Variants in MRPL48 observed in about 807,000 individuals in gnomAD.
MRPL48 encodes large ribosomal subunit protein mL48.
MRPL48 carries 16 observed loss-of-function variants against 32.9 expected under a neutral mutation model. That is an observed-to-expected ratio of 0.49 (90% CI 0.33 to 0.74). The LOEUF (loss-of-function observed/expected upper bound fraction) is 0.74, where lower values mean the gene tolerates loss of function less well. MRPL48 is among the 30% of genes least tolerant of loss of function. The probability of loss-of-function intolerance (pLI) is 0.02; values close to 1 mark genes in which losing one functional copy is unlikely to be tolerated. For synonymous variants in MRPL48, 94 were observed against 89.2 expected (o/e 1.05, Z -0.31); for missense variants, 206 against 245.3 (o/e 0.84, Z 1.07).
rs1056556242 is a variant in MRPL48 at position 73,797,842 on chromosome 11, C to T, written c.22-7185C>T. ...AGATGCCACCAGCCACAGACTTTTC[C>T]GGCCAGAAAAATGACACTCCAAAAA... On this transcript the variant is annotated intron_variant, in intron 1 of 7. Coordinates refer to ENST00000310614, the MANE Select transcript of MRPL48 (RefSeq NM_016055.6). Among the ~76,000 whole-genome samples, 8 of 152,250 alleles carry T rather than the reference C, an allele frequency of 5.3e-5. No homozygotes were observed. The South Asian group carries it at 6.2e-4, about 12-fold the overall frequency.
At chr11:73,811,466 C>T (rs1033695101) in intron 3 of MRPL48, among the ~76,000 whole-genome samples, 2 of 151,976 alleles carry the variant, frequency 1.3e-5, no homozygotes, top group Admixed American at 1.3e-4. Context: ...AATTGTTTAT[C>T]TCTTAATTAT....
rs904495593 is a variant in MRPL48 at position 73,829,499 on chromosome 11, G to A, written c.201+3703G>A. Among the ~76,000 whole-genome samples the A allele has an allele frequency of 3.3e-5, 5 of 151,604 alleles. 1 individual carries two copies. Among genetic ancestry groups the A allele is most frequent in the Admixed American group, 2.0e-4 (3 of 15,218 alleles). ...TTCTGCCTCAGCTTCTCAGTAGCTG[G>A]GACTACTTGGTGGCACATGCCACCA... On this transcript the variant is annotated intron_variant, in intron 4 of 7. Transcript: ENST00000310614.
At chr11:73,796,953 G>A (rs189215456) in intron 1 of MRPL48, among the ~76,000 whole-genome samples, 2 of 152,116 alleles carry the variant, frequency 1.3e-5, no homozygotes, top group Admixed American at 6.5e-5. Flanking sequence ...TGTAATCCCA[G>A]CTACTTAGGA....
chr11:73,793,858 GTT>G lies in MRPL48; in HGVS notation c.21+5884_21+5885del, dbSNP rs1293232778. 4.3e-4 allele frequency among the ~76,000 whole-genome samples: 49 copies of G among 113,860 alleles called. 1 individual carries two copies. The highest frequency in any genetic ancestry group is 4.4e-3 in the Middle Eastern group (1 of 228). 74.7% of individuals were successfully genotyped at this position (113,860 alleles called of 152,430 possible). On this transcript the variant is annotated intron_variant, in intron 1 of 7. Transcript: ENST00000310614. ...GCAACATGGCGAAACCTTGTTTCGT[GTT>G]TTTTTTTTTTTTTTTTTCCCTTTTT...
intron 1 of MRPL48, among the ~76,000 whole-genome samples, chr11:73,791,790 C>A (rs374365384): frequency 1.3e-5 from 2 of 152,052 alleles, no homozygotes; most frequent in African/African-American, 2.4e-5. Flanking sequence ...TGGTAAATGT[C>A]GAATGAATAA....
rs1440447939 is a variant in MRPL48, at chr11:73,788,115, G to A, written c.21+123G>A. Reference sequence around the variant, plus strand: ...GGACATCCGGGGATGAGACACTGGGGCGCCCAAGGTCCTTCCCAGCAGCAC... The same window carrying A: ...GGACATCCGGGGATGAGACACTGGGACGCCCAAGGTCCTTCCCAGCAGCAC... On this transcript the variant is annotated intron_variant, in intron 1 of 7. Transcript: ENST00000310614. 5.5e-5 allele frequency: 78 copies of A among 1,430,712 alleles called. No individual in the cohort carries two copies. In the South Asian group the frequency reaches 9.4e-4, roughly 17 times the overall value. The allele number at this position is 1,430,712 out of a possible 1,614,324, so 88.6% of individuals were successfully genotyped here.
Position 73,864,661 on chromosome 11 carries a change from A to G in MRPL48, c.*291A>G, listed in dbSNP as rs1478310980. 1 of 398,424 alleles carries G rather than the reference A, an allele frequency of 2.5e-6. No individual in the cohort carries two copies. Among genetic ancestry groups the G allele is most frequent in the Non-Finnish European group, 4.6e-6 (1 of 216,534 alleles). The allele number at this position is 398,424 out of a possible 1,614,324, so 24.7% of individuals were successfully genotyped here. ...GCCCATCCTGTGGAGTATCTTTAAG[A>G]GATTCTATATTCTGGCCAGGCACCG... On this transcript the variant is annotated 3_prime_UTR_variant, in exon 8 of 8. Transcript: ENST00000310614.
intron 3 of MRPL48, among the ~76,000 whole-genome samples, chr11:73,819,837 T>G (rs145604680): frequency 1.3e-5 from 2 of 152,042 alleles, no homozygotes; most frequent in East Asian, 1.9e-4. Context: ...ACATCAAGGT[T>G]GCAGTGACCA....
intron 3 of MRPL48, among the ~76,000 whole-genome samples, chr11:73,822,011 T>G (rs1249578607): frequency 6.6e-6 from 1 of 152,154 alleles, no homozygotes; most frequent in Non-Finnish European, 1.5e-5. Context: ...GGTCCTGGCC[T>G]GAGGATCACT....
chr11:73,807,631 C>CTTTTTT (rs777408873), intron 2 of MRPL48, among the ~76,000 whole-genome samples: 59 of 106,778 alleles, frequency 5.5e-4, no homozygotes, highest in Non-Finnish European at 6.3e-4. Flanking sequence ...GTATTATTAT[C>CTTTTTT]TTTTTTTTTT....
intron 3 of MRPL48, among the ~76,000 whole-genome samples, chr11:73,814,221 T>A (rs563529843): frequency 6.6e-6 from 1 of 150,486 alleles, no homozygotes; most frequent in African/African-American, 2.4e-5. Context: ...GGAGACTCCA[T>A]CTCTACAAAA....
intron 1 of MRPL48, among the ~76,000 whole-genome samples, chr11:73,788,220 GC>G (rs1415640007): frequency 6.6e-6 from 1 of 152,072 alleles, no homozygotes; most frequent in Non-Finnish European, 1.5e-5. Context: ...CCCGTGCCAC[GC>G]CCACACCACA....
intron 4 of MRPL48, among the ~76,000 whole-genome samples, chr11:73,836,490 T>C (rs35314844): frequency 0.055 from 8,383 of 152,282 alleles, 258 homozygotes; most frequent in Middle Eastern, 0.11. Flanking sequence ...TGAGCCACCG[T>C]GCCCTTCCAA....
At position 73,829,907 on chromosome 11, in the gene MRPL48, G is replaced by GCCTCCT. The variant is rs775737095; in HGVS notation, c.201+4111_201+4112insCCTCCT. 1.8e-3 allele frequency among the ~76,000 whole-genome samples: 281 copies of GCCTCCT among 152,184 alleles called. 1 individual carries two copies. The highest frequency in any genetic ancestry group is 3.4e-3 in the Non-Finnish European group (228 of 68,020). Reference sequence around the variant, plus strand: ...AGCCTCCTGAGTAGCTAGGATTACAGGAGTATACCACTACACCCGGCTCAT... The same window carrying GCCTCCT: ...AGCCTCCTGAGTAGCTAGGATTACAGCCTCCTGAGTATACCACTACACCCGGCTCAT... On this transcript the variant is annotated intron_variant, in intron 4 of 7. Coordinates refer to ENST00000310614, the MANE Select transcript of MRPL48 (RefSeq NM_016055.6).
chr11:73,842,855 AAGCTAGAGTGCAGTTGC>A (rs1282867457), intron 4 of MRPL48: 2 of 152,608 alleles, frequency 1.3e-5, no homozygotes, highest in African/African-American at 4.8e-5. Context: ...TCTGTTGCCC[AAGCTAGAGTGCAGTTGC>A]GTGACCACGG....
chr11:73,845,158 G>C (rs1948266578), intron 5 of MRPL48, 182 bp downstream of exon 5: 1 of 529,686 alleles, frequency 1.9e-6, no homozygotes, highest in Non-Finnish European at 3.0e-6. Context: ...TGGTGCCCTG[G>C]TGTAGTCAGT....
rs1364096781 is a variant in MRPL48, at chr11:73,802,017, T to C, written c.22-3010T>C. On this transcript the variant is annotated intron_variant, in intron 1 of 7. Transcript: ENST00000310614. ...GGTTCTTGGGTGATGATAAGAGTTT[T>C]GGTGAATCTCCTGAAGTAGTAGGCA... The C allele has an allele frequency of 2.6e-5, 4 of 152,338 alleles. No homozygotes were observed. The East Asian group carries it at 5.8e-4, about 22-fold the overall frequency. 9.4% of individuals were successfully genotyped at this position (152,338 alleles called of 1,614,324 possible).
At chr11:73,841,691 A>G (rs777270655) in intron 4 of MRPL48, among the ~76,000 whole-genome samples, 5 of 152,196 alleles carry the variant, frequency 3.3e-5, no homozygotes, top group Non-Finnish European at 5.9e-5. Context: ...GGTACTGATT[A>G]CAGAGGTACT....
chr11:73,815,729 G>T (rs1385282004), intron 3 of MRPL48, among the ~76,000 whole-genome samples: 1 of 151,404 alleles, frequency 6.6e-6, no homozygotes, highest in East Asian at 1.9e-4. Context: ...CTTCTGCCTC[G>T]GCCTCCCAAA....
Sources: allele counts gnomAD v4.1 joint callset (sites outside exome capture counted in the v4.1 genomes callset), GRCh38; gene constraint gnomAD v4.1.1; transcripts MANE v1.5; gene names NCBI Gene and HGNC (gene_info 2026-07-23, HGNC 2026-07-21).